NALF1: variants seen among roughly 807,000 people sequenced by gnomAD.
NALF1 encodes the protein family with sequence similarity 155 member A.
In NALF1, 3 loss-of-function variants were observed where a neutral mutation model predicts 48.4. The ratio of observed to expected loss-of-function variants is 0.06; its 90% CI spans 0.03 to 0.16. The LOEUF (loss-of-function observed/expected upper bound fraction) is 0.16. NALF1 is among the 10% of genes least tolerant of loss of function. The pLI is 1.00. For synonymous variants in NALF1, 262 were observed against 245.7 expected (o/e 1.07, Z -0.62); for missense variants, 526 against 571.5 (o/e 0.92, Z 0.81).
At chr13:107,208,877 C>T (rs1472307042) in intron 2 of NALF1, among the ~76,000 whole-genome samples, 8 of 152,250 alleles carry the variant, frequency 5.3e-5, no homozygotes, top group Admixed American at 4.6e-4. Context: ...CCTCTTCCCT[C>T]CTTCCTCCCC....
At chr13:107,603,874 G>A (rs1453163237) in intron 1 of NALF1, among the ~76,000 whole-genome samples, 2 of 152,184 alleles carry the variant, frequency 1.3e-5, no homozygotes, top group African/African-American at 2.4e-5. Context: ...AGCTGTGCAT[G>A]AGGAGATTGT....
chr13:107,361,867 G>C (rs1009532079), intron 1 of NALF1, among the ~76,000 whole-genome samples: 2 of 152,170 alleles, frequency 1.3e-5, no homozygotes, highest in Non-Finnish European at 2.9e-5. Flanking sequence ...CTTAAAGTTA[G>C]GCAAGGCCAG....
intron 1 of NALF1, among the ~76,000 whole-genome samples, chr13:107,859,545 T>G (rs1880514490): frequency 6.6e-6 from 1 of 152,190 alleles, no homozygotes; most frequent in Non-Finnish European, 1.5e-5. Flanking sequence ...AATACAACTG[T>G]AAGTCATTAA....
intron 1 of NALF1, among the ~76,000 whole-genome samples, chr13:107,451,706 GTTTC>G (rs1156985812): frequency 6.6e-6 from 1 of 152,144 alleles, no homozygotes; most frequent in African/African-American, 2.4e-5. Flanking sequence ...TTTCTGCTCA[GTTTC>G]TTTAACTCTC....
chr13:107,465,663 G>A (rs1470291196), intron 1 of NALF1, among the ~76,000 whole-genome samples: 1 of 152,136 alleles, frequency 6.6e-6, no homozygotes. Context: ...GATGAGATGG[G>A]GCACTGGGGA....
At chr13:107,685,925 G>A (rs995275471) in intron 1 of NALF1, among the ~76,000 whole-genome samples, 1 of 152,182 alleles carries the variant, frequency 6.6e-6, no homozygotes, top group Non-Finnish European at 1.5e-5. Flanking sequence ...TCTCATACAA[G>A]ACTTACTTTC....
intron 1 of NALF1, among the ~76,000 whole-genome samples, chr13:107,659,896 T>A (rs1880683227): frequency 6.6e-6 from 1 of 151,578 alleles, no homozygotes. Context: ...CACACCCAGC[T>A]AATTTTTTGT....
At chr13:107,632,705 T>C (rs944935481) in intron 1 of NALF1, among the ~76,000 whole-genome samples, 1 of 152,168 alleles carries the variant, frequency 6.6e-6, no homozygotes, top group Non-Finnish European at 1.5e-5. Context: ...GCTTAAAGAC[T>C]AAATTTGGTA....
intron 1 of NALF1, among the ~76,000 whole-genome samples, chr13:107,233,376 A>G (rs1566459100): frequency 6.6e-6 from 1 of 152,174 alleles, no homozygotes; most frequent in Non-Finnish European, 1.5e-5. Context: ...TTTCAGTGAG[A>G]AAAGATTACA....
intron 1 of NALF1, among the ~76,000 whole-genome samples, chr13:107,505,424 C>T (rs1432633380): frequency 6.6e-6 from 1 of 152,104 alleles, no homozygotes; most frequent in Non-Finnish European, 1.5e-5. Flanking sequence ...TATGAAGGGT[C>T]TCTCCAGCTG....
At chr13:107,226,941 T>C (rs1001174458) in intron 1 of NALF1, among the ~76,000 whole-genome samples, 8 of 152,264 alleles carry the variant, frequency 5.3e-5, no homozygotes, top group Non-Finnish European at 1.0e-4. Context: ...ATGACTTCTA[T>C]AATGACTGCT....
At chr13:107,272,928 A>T (rs1881205849) in intron 1 of NALF1, among the ~76,000 whole-genome samples, 1 of 152,238 alleles carries the variant, frequency 6.6e-6, no homozygotes, top group South Asian at 2.1e-4. Flanking sequence ...GGCATTTGCA[A>T]GTCTTCACCA....
At chr13:107,838,918 G>A (rs1594306364) in intron 1 of NALF1, among the ~76,000 whole-genome samples, 2 of 152,220 alleles carry the variant, frequency 1.3e-5, no homozygotes, top group East Asian at 1.9e-4. Flanking sequence ...GTTCTAGCAA[G>A]TGGAGGATTA....
At chr13:107,552,258 C>A (rs1483985143) in intron 1 of NALF1, among the ~76,000 whole-genome samples, 1 of 152,154 alleles carries the variant, frequency 6.6e-6, no homozygotes, top group Non-Finnish European at 1.5e-5. Context: ...GCACCCAGGT[C>A]ATTGCCTGCT....
chr13:107,707,618 G>A (rs1053448754), intron 1 of NALF1, among the ~76,000 whole-genome samples: 4 of 152,226 alleles, frequency 2.6e-5, no homozygotes, highest in Non-Finnish European at 4.4e-5. Flanking sequence ...CAGACCAGTT[G>A]TGGTCACTGT....
chr13:107,862,141 T>TA (rs1880587483), intron 1 of NALF1, among the ~76,000 whole-genome samples: 2 of 152,202 alleles, frequency 1.3e-5, no homozygotes, highest in African/African-American at 2.4e-5. Flanking sequence ...CAAACCCACT[T>TA]ACACTGACCA....
At chr13:107,455,108 T>C (rs761781423) in intron 1 of NALF1, among the ~76,000 whole-genome samples, 1 of 152,116 alleles carries the variant, frequency 6.6e-6, no homozygotes, top group Non-Finnish European at 1.5e-5. Flanking sequence ...GAAAAGAGGC[T>C]CTTCACCCTT....
intron 1 of NALF1, among the ~76,000 whole-genome samples, chr13:107,282,476 G>A (rs1881408074): frequency 6.6e-6 from 1 of 152,168 alleles, no homozygotes; most frequent in Non-Finnish European, 1.5e-5. Context: ...CAGCCCCCAA[G>A]GTGGCCACTA....
chr13:107,192,776 G>A (rs1275688523), intron 2 of NALF1, among the ~76,000 whole-genome samples: 3 of 152,146 alleles, frequency 2.0e-5, no homozygotes, highest in Admixed American at 6.5e-5. Flanking sequence ...GTAAGAAAAT[G>A]AGCCATATAA....
Sources: gnomAD v4.1 joint callset for allele counts (sites outside exome capture counted in the v4.1 genomes callset) on GRCh38, gnomAD v4.1.1 for gene constraint, MANE v1.5 for transcripts, NCBI Gene and HGNC (gene_info 2026-07-23, HGNC 2026-07-21) for gene names.